Variants in PTPRD observed in about 807,000 individuals in gnomAD.
The protein encoded by PTPRD is protein tyrosine phosphatase receptor type D.
Under a neutral mutation model 214.5 loss-of-function variants are expected in PTPRD, and 34 were observed. The ratio of observed to expected loss-of-function variants is 0.16; its 90% CI spans 0.12 to 0.21. The LOEUF is 0.21. Ranked by LOEUF, PTPRD falls within the 10% of genes least tolerant of loss-of-function variation. The probability of loss-of-function intolerance (pLI) is 1.00; values close to 1 mark genes in which losing one functional copy is unlikely to be tolerated. For synonymous variants in PTPRD, 1,128 were observed against 845.7 expected, an observed-to-expected ratio of 1.33 and a Z score of -5.79; for missense variants, 2,545 against 2,398.7, an observed-to-expected ratio of 1.06 and a Z score of -1.27.
At chr9:9,325,465 G>C (rs1252027828) in intron 9 of PTPRD, among the ~76,000 whole-genome samples, 1 of 152,102 alleles carries the variant, frequency 6.6e-6, no homozygotes, top group Non-Finnish European at 1.5e-5. Context: ...TTGTGAATGA[G>C]AGGTCACTCA....
chr9:8,336,122 T>C (rs1464155445), intron 43 of PTPRD, among the ~76,000 whole-genome samples: 1 of 149,114 alleles, frequency 6.7e-6, no homozygotes, highest in Non-Finnish European at 1.5e-5. Context: ...AAATTTGACA[T>C]GGAACCAAAA....
intron 8 of PTPRD, among the ~76,000 whole-genome samples, chr9:9,409,749 C>T (rs924292519): frequency 6.6e-6 from 1 of 152,102 alleles, no homozygotes; most frequent in East Asian, 1.9e-4. Flanking sequence ...AGTAGAGTAC[C>T]ATGGGAGCAG....
intron 11 of PTPRD, among the ~76,000 whole-genome samples, chr9:8,803,034 G>C (rs1224658658): frequency 1.3e-5 from 2 of 152,050 alleles, no homozygotes; most frequent in Admixed American, 6.6e-5. Context: ...TCCGGCCTCG[G>C]CAACAGAGCA....
chr9:10,512,997 G>A (rs1191852037), intron 2 of PTPRD, among the ~76,000 whole-genome samples: 1 of 152,060 alleles, frequency 6.6e-6, no homozygotes, highest in Non-Finnish European at 1.5e-5. Context: ...CTACCAGTTT[G>A]GAAGAAAAAT....
At chr9:9,372,811 G>A (rs957372049) in intron 9 of PTPRD, among the ~76,000 whole-genome samples, 3 of 151,990 alleles carry the variant, frequency 2.0e-5, no homozygotes, top group Non-Finnish European at 4.4e-5. Flanking sequence ...AGGCCTGGTG[G>A]TGACAAAATC....
At chr9:10,094,595 T>C (rs1170465598) in intron 3 of PTPRD, among the ~76,000 whole-genome samples, 1 of 149,982 alleles carries the variant, frequency 6.7e-6, no homozygotes, top group Non-Finnish European at 1.5e-5. Context: ...AAACCCGTTA[T>C]CTTATTTCCC....
At chr9:10,166,651 A>AT (rs1257633692) in intron 3 of PTPRD, among the ~76,000 whole-genome samples, 1 of 151,994 alleles carries the variant, frequency 6.6e-6, no homozygotes. Flanking sequence ...TTCAAATCAA[A>AT]TTTGAACCAC....
At chr9:9,421,508 C>T (rs1007380695) in intron 8 of PTPRD, among the ~76,000 whole-genome samples, 3 of 152,004 alleles carry the variant, frequency 2.0e-5, no homozygotes, top group Non-Finnish European at 4.4e-5. Context: ...GTGGTACTGC[C>T]AATTTCAAAT....
chr9:8,653,047 G>A (rs574779883), intron 12 of PTPRD, among the ~76,000 whole-genome samples: 1 of 152,240 alleles, frequency 6.6e-6, no homozygotes, highest in Non-Finnish European at 1.5e-5. Flanking sequence ...AAAGCTCTCT[G>A]TAGCACCTTT....
intron 12 of PTPRD, among the ~76,000 whole-genome samples, chr9:8,732,160 A>T (rs926176053): frequency 1.3e-5 from 2 of 152,210 alleles, no homozygotes; most frequent in African/African-American, 2.4e-5. Context: ...TTCAAACACA[A>T]TTTTAAAAGT....
chr9:9,683,656 C>T (rs79750538), intron 7 of PTPRD, among the ~76,000 whole-genome samples: 1 of 151,470 alleles, frequency 6.6e-6, no homozygotes, highest in South Asian at 2.1e-4. Context: ...TGGCATGCTG[C>T]ATTTTAGTAT....
chr9:9,631,530 T>C (rs1183697135), intron 7 of PTPRD, among the ~76,000 whole-genome samples: 1 of 152,142 alleles, frequency 6.6e-6, no homozygotes, highest in African/African-American at 2.4e-5. Flanking sequence ...TTTTTTCTTG[T>C]TTTCTAAACA....
At chr9:10,361,241 A>T (rs1289927950) in intron 2 of PTPRD, among the ~76,000 whole-genome samples, 1 of 152,232 alleles carries the variant, frequency 6.6e-6, no homozygotes, top group Non-Finnish European at 1.5e-5. Context: ...AGATTCTTCC[A>T]TCTGCTTTCA....
chr9:8,494,007 GAC>G (rs761859777), intron 26 of PTPRD, among the ~76,000 whole-genome samples: 3,754 of 91,296 alleles, frequency 0.041, 82 homozygotes, highest in East Asian at 0.2. Flanking sequence ...CAGACACACA[GAC>G]ACACACACAC....
At chr9:9,660,424 G>A (rs2096600948) in intron 7 of PTPRD, among the ~76,000 whole-genome samples, 1 of 152,002 alleles carries the variant, frequency 6.6e-6, no homozygotes, top group Non-Finnish European at 1.5e-5. Flanking sequence ...CCCTGGGTCA[G>A]TGAGTAGTAG....
At chr9:10,366,965 G>C (rs2097528421) in intron 2 of PTPRD, among the ~76,000 whole-genome samples, 1 of 151,942 alleles carries the variant, frequency 6.6e-6, no homozygotes, top group Admixed American at 6.6e-5. Context: ...TCATGACCTG[G>C]GTGGTGAATA....
chr9:9,068,184 T>C (rs1375269290), intron 10 of PTPRD, among the ~76,000 whole-genome samples: 3 of 152,240 alleles, frequency 2.0e-5, no homozygotes, highest in Non-Finnish European at 4.4e-5. Flanking sequence ...TTTCTTTTTG[T>C]CCTTTTTATT....
At chr9:10,471,298 A>G (rs2099029611) in intron 2 of PTPRD, among the ~76,000 whole-genome samples, 2 of 152,126 alleles carry the variant, frequency 1.3e-5, no homozygotes, top group South Asian at 4.2e-4. Context: ...ACTATAATAA[A>G]AAATAAATAA....
chr9:8,332,186 G>A (rs920226573), intron 43 of PTPRD, among the ~76,000 whole-genome samples: 3 of 152,036 alleles, frequency 2.0e-5, no homozygotes, highest in Admixed American at 2.0e-4. Flanking sequence ...CAAGCACCTA[G>A]GCATGTCATC....
Sources: gnomAD v4.1 joint callset for allele counts (sites outside exome capture counted in the v4.1 genomes callset) on GRCh38, gnomAD v4.1.1 for gene constraint, MANE v1.5 for transcripts, NCBI Gene and HGNC (gene_info 2026-07-23, HGNC 2026-07-21) for gene names.